The following GRIA4 variants were observed in gnomAD, a reference collection of about 807,000 sequenced individuals.
GRIA4 encodes glutamate receptor 4.
Under a neutral mutation model 104.0 loss-of-function variants are expected in GRIA4, and 34 were observed. The ratio of observed to expected loss-of-function variants is 0.33; its 90% CI spans 0.25 to 0.44. The LOEUF is 0.44. GRIA4 is among the 20% of genes least tolerant of loss of function. GRIA4 has a pLI of 1.00. For synonymous variants in GRIA4, 386 were observed against 381.9 expected (o/e 1.01, Z -0.13); for missense variants, 750 against 1,096.5 (o/e 0.68, Z 4.46).
In GRIA4 at chr11:105,687,011, G is replaced by A. The variant is rs1478224635; in HGVS notation, c.248-65970G>A. 2.0e-5 allele frequency among the ~76,000 whole-genome samples: 3 copies of A among 152,036 alleles called. No individual in the cohort carries two copies. In the East Asian group the frequency reaches 5.8e-4, roughly 29 times the overall value. On this transcript the variant is annotated intron_variant, in intron 3 of 16. Coordinates refer to ENST00000282499, the MANE Select transcript of GRIA4 (RefSeq NM_000829.4). ...GTGAAATTTTTTTTCACATTTTGTA[G>A]GTTGACCATTTACTCTGTTGATAGT... is the stretch of plus-strand genomic sequence containing the variant.
chr11:105,687,607 C>A lies in GRIA4; in HGVS notation c.248-65374C>A, dbSNP rs149504161. Among the ~76,000 whole-genome samples the A allele has an allele frequency of 7.2e-5, 11 of 152,254 alleles. No individual in the cohort carries two copies. The East Asian group carries it at 2.1e-3, about 29-fold the overall frequency. ...GCAATTGAAGAACTAAGGTTTCCTCCATGGAGAATGACAGTGCTGTCTATA... is the reference window on the plus strand; with the variant it reads ...GCAATTGAAGAACTAAGGTTTCCTCAATGGAGAATGACAGTGCTGTCTATA... On this transcript the variant is annotated intron_variant, in intron 3 of 16. Transcript: ENST00000282499.
chr11:105,635,328 T>C (rs1386039815), intron 3 of GRIA4, among the ~76,000 whole-genome samples: 1 of 152,064 alleles, frequency 6.6e-6, no homozygotes, highest in African/African-American at 2.4e-5. Context: ...AAATATATAA[T>C]TTGTGACTTG....
At chr11:105,626,719 T>C (rs539144564) in intron 3 of GRIA4, among the ~76,000 whole-genome samples, 1 of 152,322 alleles carries the variant, frequency 6.6e-6, no homozygotes, top group Admixed American at 6.5e-5. Flanking sequence ...GTTCTCCATC[T>C]GACTTGTGCC....
At chr11:105,829,107 A>ACACACACACACACACACAC in intron 4 of GRIA4, among the ~76,000 whole-genome samples, 1 of 151,946 alleles carries the variant, frequency 6.6e-6, no homozygotes, top group African/African-American at 2.4e-5. Flanking sequence ...ACACACACAC[A>ACACACACACACACACACAC]AATAGACTGA....
intron 4 of GRIA4, among the ~76,000 whole-genome samples, chr11:105,791,802 A>G (rs978885088): frequency 1.3e-5 from 2 of 152,198 alleles, no homozygotes; most frequent in African/African-American, 2.4e-5. Flanking sequence ...TGAAGTTAAC[A>G]TTAGAAATTT....
chr11:105,956,332 C>T (rs1244013343), intron 14 of GRIA4, among the ~76,000 whole-genome samples: 2 of 151,594 alleles, frequency 1.3e-5, no homozygotes, highest in East Asian at 3.9e-4. Flanking sequence ...TTGTTCAATT[C>T]CCACCTATGA....
At chr11:105,676,528 A>AG (rs1272820856) in intron 3 of GRIA4, among the ~76,000 whole-genome samples, 67 of 151,890 alleles carry the variant, frequency 4.4e-4, no homozygotes, top group African/African-American at 1.5e-3. Flanking sequence ...TTATAAAAAA[A>AG]AGAATCACTA....
At chr11:105,951,105 CA>C (rs2136240671) in intron 14 of GRIA4, among the ~76,000 whole-genome samples, 1 of 152,166 alleles carries the variant, frequency 6.6e-6, no homozygotes, top group Admixed American at 6.5e-5. Flanking sequence ...GTCTTTAAAG[CA>C]ATTGATGAAA....
chr11:105,722,008 G>A (rs1452776235), intron 3 of GRIA4, among the ~76,000 whole-genome samples: 1 of 152,094 alleles, frequency 6.6e-6, no homozygotes, highest in Non-Finnish European at 1.5e-5. Context: ...ATGTATACTT[G>A]TTCTCAGAAA....
intron 3 of GRIA4, among the ~76,000 whole-genome samples, chr11:105,720,010 G>A (rs1274482633): frequency 6.6e-6 from 1 of 151,662 alleles, no homozygotes; most frequent in Non-Finnish European, 1.5e-5. Context: ...AATTTTTAAT[G>A]TATTGCAAAA....
chr11:105,634,196 A>C (rs192273936), intron 3 of GRIA4, among the ~76,000 whole-genome samples: 1 of 151,848 alleles, frequency 6.6e-6, no homozygotes, highest in African/African-American at 2.4e-5. Context: ...AAAATACAAA[A>C]ATTAGCAGCA....
chr11:105,778,947 T>C (rs185199745), intron 4 of GRIA4, among the ~76,000 whole-genome samples: 8,632 of 95,958 alleles, frequency 0.09, 950 homozygotes, highest in African/African-American at 0.27. Context: ...CCCCCCACCC[T>C]ACAACAGGCC....
At chr11:105,765,748 T>C (rs547760147) in intron 4 of GRIA4, among the ~76,000 whole-genome samples, 1 of 152,338 alleles carries the variant, frequency 6.6e-6, no homozygotes, top group Admixed American at 6.5e-5. Flanking sequence ...TTTTTATGGC[T>C]ACTTTCCCAC....
intron 3 of GRIA4, among the ~76,000 whole-genome samples, chr11:105,701,153 T>C (rs1333764682): frequency 6.6e-6 from 1 of 152,206 alleles, no homozygotes; most frequent in Non-Finnish European, 1.5e-5. Flanking sequence ...GCACTTTTCG[T>C]CTGTGCCCAT....
intron 3 of GRIA4, among the ~76,000 whole-genome samples, chr11:105,668,675 G>GTTTTTTTTTTT (rs368844903): frequency 1.6e-5 from 2 of 121,450 alleles, no homozygotes; most frequent in Non-Finnish European, 3.3e-5. Flanking sequence ...ATTATCTTTT[G>GTTTTTTTTTTT]TCTTTTTTTT....
intron 3 of GRIA4, among the ~76,000 whole-genome samples, chr11:105,700,372 A>T (rs185823707): frequency 9.2e-5 from 14 of 152,280 alleles, no homozygotes; most frequent in African/African-American, 3.1e-4. Flanking sequence ...GGCAATTGCA[A>T]GCTGATGCCA....
At chr11:105,643,531 C>T (rs1001405411) in intron 3 of GRIA4, among the ~76,000 whole-genome samples, 8 of 152,150 alleles carry the variant, frequency 5.3e-5, no homozygotes, top group Admixed American at 4.6e-4. Flanking sequence ...ATGCTTTGCT[C>T]AGGTGCTGAT....
chr11:105,719,419 T>C (rs561452256), intron 3 of GRIA4, among the ~76,000 whole-genome samples: 92 of 152,234 alleles, frequency 6.0e-4, no homozygotes, highest in African/African-American at 2.1e-3. Context: ...TTTGTGCATA[T>C]GTCTGCTTTA....
Position 105,692,842 on chromosome 11 carries a change from C to T in GRIA4, c.248-60139C>T, listed in dbSNP as rs140187557. On this transcript the variant is annotated intron_variant, in intron 3 of 16. Transcript: ENST00000282499. ...CTACACTAACTCATAGTATACTTTA[C>T]TTCAGTTAAATAACACCATTTTGGG... is the stretch of plus-strand genomic sequence containing the variant. 2.8e-4 allele frequency among the ~76,000 whole-genome samples: 43 copies of T among 152,214 alleles called. 1 individual carries two copies. The highest frequency in any genetic ancestry group is 8.7e-4 in the African/African-American group (36 of 41,550).
Sources: allele counts gnomAD v4.1 joint callset (sites outside exome capture counted in the v4.1 genomes callset), GRCh38; gene constraint gnomAD v4.1.1; transcripts MANE v1.5; gene names NCBI Gene and HGNC (gene_info 2026-07-23, HGNC 2026-07-21).